The following PMS1 variants were observed in gnomAD, a reference collection of about 807,000 sequenced individuals.
PMS1 encodes PMS1 homolog 1, mismatch repair system component.
In PMS1, 79 loss-of-function variants were observed where a neutral mutation model predicts 93.1. The observed-to-expected ratio is 0.85, with a 90% confidence interval of 0.71 to 1.02. The LOEUF (loss-of-function observed/expected upper bound fraction) is 1.02. Ranked by LOEUF, PMS1 falls within the 50% of genes least tolerant of loss-of-function variation. The pLI is 0.00. For missense variants in PMS1, 1,064 were observed against 1,085.3 expected (o/e 0.98, Z 0.28); for synonymous variants, 335 against 363.4 (o/e 0.92, Z 0.89).
intron 6 of PMS1, among the ~76,000 whole-genome samples, chr2:189,846,633 C>CATG (rs2054278013): frequency 6.6e-6 from 1 of 152,216 alleles, no homozygotes; most frequent in East Asian, 1.9e-4. Context: ...GAGCTATGAT[C>CATG]ATGCCACTGC....
At chr2:189,791,626 AAAG>A (rs1001657099) in intron 1 of PMS1, 161 bp from the exon 2 acceptor site, 14 of 556,758 alleles carry the variant, frequency 2.5e-5, no homozygotes, top group African/African-American at 2.5e-4. Flanking sequence ...AAAAAAAAAA[AAAG>A]AAGAAATAGA....
At position 189,866,462 on chromosome 2, in the gene PMS1, A is replaced by C. The variant is rs147261224; in HGVS notation, c.2343-1337A>C. Among the ~76,000 whole-genome samples, 92 of 152,224 alleles carry C rather than the reference A, an allele frequency of 6.0e-4. 1 individual carries two copies. In the East Asian group the frequency reaches 0.015, roughly 25 times the overall value. On this transcript the variant is annotated intron_variant, in intron 10 of 12. Coordinates refer to ENST00000441310, the MANE Select transcript of PMS1 (RefSeq NM_000534.5). ...GCATCCCCATCACAGTTAATGATGT[A>C]AGTTTTTCAAAACTGAGTCAGGGAC...
At chr2:189,787,060 C>CA (rs971148600) in intron 1 of PMS1, among the ~76,000 whole-genome samples, 1 of 150,838 alleles carries the variant, frequency 6.6e-6, no homozygotes, top group Admixed American at 6.6e-5. Context: ...AACTCTGTCT[C>CA]AAAAAAAAGA....
At chr2:189,819,792 A>T (rs1445494434) in intron 5 of PMS1, among the ~76,000 whole-genome samples, 1 of 152,074 alleles carries the variant, frequency 6.6e-6, no homozygotes, top group African/African-American at 2.4e-5. Flanking sequence ...GAGTTTGCAA[A>T]TATTTTCTCC....
intron 2 of PMS1, among the ~76,000 whole-genome samples, chr2:189,793,521 T>C (rs1312629738): frequency 6.6e-6 from 1 of 152,138 alleles, no homozygotes; most frequent in Non-Finnish European, 1.5e-5. Flanking sequence ...TTTGTTTTTC[T>C]TAGGCATTTC....
chr2:189,833,475 A>G (rs1238785), intron 5 of PMS1, among the ~76,000 whole-genome samples: 2,699 of 152,202 alleles, frequency 0.018, 78 homozygotes, highest in African/African-American at 0.061. Context: ...CCAGCTACTC[A>G]GGAGGCTGAG....
intron 12 of PMS1, among the ~76,000 whole-genome samples, chr2:189,874,233 G>C (rs1424172603): frequency 6.6e-6 from 1 of 152,108 alleles, no homozygotes; most frequent in Admixed American, 6.6e-5. Context: ...ATATTTTGCA[G>C]TGAAGTTCTT....
intron 12 of PMS1, among the ~76,000 whole-genome samples, chr2:189,876,087 T>C (rs1173165003): frequency 6.8e-6 from 1 of 148,070 alleles, no homozygotes; most frequent in African/African-American, 2.5e-5. Context: ...AGGGGAAAAA[T>C]GAAAATAATA....
intron 6 of PMS1, among the ~76,000 whole-genome samples, chr2:189,846,385 G>A (rs2054256418): frequency 6.6e-6 from 1 of 151,996 alleles, no homozygotes; most frequent in South Asian, 2.1e-4. Flanking sequence ...GGTGGCAGGT[G>A]CCTGTAATCC....
intron 12 of PMS1, 150 bp from the exon 13 acceptor site, chr2:189,877,122 G>C (rs974115933): frequency 1.8e-5 from 12 of 669,718 alleles, no homozygotes; most frequent in Admixed American, 5.5e-5. Flanking sequence ...CATCCCGAGA[G>C]CTGACAACAT....
Position 189,819,905 on chromosome 2 carries a change from C to G in PMS1, c.582+1725C>G, listed in dbSNP as rs1244011028. On this transcript the variant is annotated intron_variant, in intron 5 of 12. Transcript: ENST00000441310. ...AGCTTTCTTTCCATTTTTCAAAGCGCCGATAAGAGAAGGTAGTCATCTTGT... is the reference window on the plus strand; with the variant it reads ...AGCTTTCTTTCCATTTTTCAAAGCGGCGATAAGAGAAGGTAGTCATCTTGT... 2.6e-5 allele frequency among the ~76,000 whole-genome samples: 4 copies of G among 152,156 alleles called. No individual in the cohort carries two copies. The East Asian group carries it at 7.7e-4, about 29-fold the overall frequency.
At chr2:189,877,068 T>C (rs2057637290) in intron 12 of PMS1, among the ~76,000 whole-genome samples, 1 of 152,126 alleles carries the variant, frequency 6.6e-6, no homozygotes, top group South Asian at 2.1e-4. Flanking sequence ...TGCACTAGAA[T>C]GTAAATTGCA....
chr2:189,859,394 C>G (rs2055708547), intron 9 of PMS1, among the ~76,000 whole-genome samples: 1 of 152,150 alleles, frequency 6.6e-6, no homozygotes, highest in South Asian at 2.1e-4. Context: ...CCAAGCCAGG[C>G]TGTCTTCAGA....
intron 12 of PMS1, 65 bp from the exon 13 acceptor site, chr2:189,877,207 C>T: frequency 1.5e-6 from 2 of 1,298,462 alleles, no homozygotes; most frequent in South Asian, 1.3e-5. Flanking sequence ...TCCTTTTTGC[C>T]AGGATAACAT....
At position 189,791,820 on chromosome 2, in the gene PMS1, T is replaced by C. The variant is rs201944922; in HGVS notation, c.11T>C (p.Leu4Ser). The stretch of plus-strand genomic sequence containing the variant: ...CTGTTAAAAGCGAAAATGAAACAAT[T>C]GCCTGCGGCAACAGTTCGACTCCTT... Reference protein sequence around the residue: MKQLPAATVRLLSS... With the variant: MKQSPAATVRLLSS... The change falls in exon 2 of 13, where the codon TTG (leucine) becomes TCG (serine). Residue 4 changes from leucine to serine, a missense_variant. Physicochemically the swap from Leu to Ser is moderately radical, Grantham distance 145. Transcript: ENST00000441310. 1.2e-6 allele frequency: 2 copies of C among 1,613,974 alleles called. No homozygotes were observed. The highest frequency in any genetic ancestry group is 2.2e-5 in the East Asian group (1 of 44,878).
rs752643946 is a variant in PMS1 at position 189,867,795 on chromosome 2, T to C, written c.2343-4T>C. The C allele has an allele frequency of 2.5e-6, 4 of 1,569,074 alleles. No homozygotes were observed. In the South Asian group the frequency reaches 4.4e-5, roughly 17 times the overall value. The stretch of plus-strand genomic sequence containing the variant: ...AAGTTAAAGGGCCATAATTTCTTTT[T>C]CAGTCTTTTTAATGGATCTCATTAT... On this transcript the variant is annotated splice_polypyrimidine_tract_variant and splice_region_variant and intron_variant, in intron 10 of 12. Coordinates refer to ENST00000441310, the MANE Select transcript of PMS1 (RefSeq NM_000534.5).
chr2:189,801,372 T>G (rs1414905270), intron 3 of PMS1, among the ~76,000 whole-genome samples: 1 of 152,194 alleles, frequency 6.6e-6, no homozygotes, highest in Non-Finnish European at 1.5e-5. Flanking sequence ...TTACTAGTAC[T>G]AATTACTAAG....
At chr2:189,796,444 A>G (rs1395900560) in intron 3 of PMS1, among the ~76,000 whole-genome samples, 1 of 152,222 alleles carries the variant, frequency 6.6e-6, no homozygotes, top group African/African-American at 2.4e-5. Context: ...CATTAGCTAC[A>G]GTCACATTGT....
chr2:189,786,724 T>C (rs1445474137), intron 1 of PMS1, among the ~76,000 whole-genome samples: 1 of 152,324 alleles, frequency 6.6e-6, no homozygotes, highest in South Asian at 2.1e-4. Context: ...ATGTTGGCTA[T>C]TACTTTTATT....
Sources: gnomAD v4.1 joint callset for allele counts (sites outside exome capture counted in the v4.1 genomes callset) on GRCh38, gnomAD v4.1.1 for gene constraint, MANE v1.5 for transcripts, NCBI Gene and HGNC (gene_info 2026-07-23, HGNC 2026-07-21) for gene names.